The following FHL2 variants were observed in gnomAD, a reference collection of about 807,000 sequenced individuals.
FHL2 encodes the protein four and a half LIM domains protein 2.
In FHL2, 20 loss-of-function variants were observed where a neutral mutation model predicts 32.7. That is an observed-to-expected ratio of 0.61 (90% confidence interval 0.43 to 0.89). FHL2 has a LOEUF of 0.89. Ranked by LOEUF, FHL2 falls within the 40% of genes least tolerant of loss-of-function variation. The probability of loss-of-function intolerance (pLI) is 0.00; values close to 1 mark genes in which losing one functional copy is unlikely to be tolerated. For missense variants in FHL2, 311 were observed against 358.6 expected, an observed-to-expected ratio of 0.87 and a Z score of 1.07; for synonymous variants, 123 against 128.1, an observed-to-expected ratio of 0.96 and a Z score of 0.27.
intron 3 of FHL2, among the ~76,000 whole-genome samples, chr2:105,383,945 A>G (rs1313657376): frequency 1.3e-5 from 2 of 152,236 alleles, no homozygotes; most frequent in Non-Finnish European, 1.5e-5. Flanking sequence ...AAAGTTCAGC[A>G]CAATTCACTC....
intron 1 of FHL2, among the ~76,000 whole-genome samples, chr2:105,407,391 C>CAA (rs35638962): frequency 2.7e-4 from 21 of 78,460 alleles, no homozygotes; most frequent in Admixed American, 7.0e-4. Context: ...GACTCTGTCT[C>CAA]AAAAAAAAAA....
At chr2:105,378,463 A>G (rs148654625) in intron 3 of FHL2, 168 of 278,470 alleles carry the variant, frequency 6.0e-4, no homozygotes, top group African/African-American at 3.6e-3. Context: ...CTCCTGCCAG[A>G]TGCTGCCCTT....
intron 1 of FHL2, among the ~76,000 whole-genome samples, chr2:105,427,820 A>G (rs1355609767): frequency 2.0e-5 from 3 of 152,132 alleles, no homozygotes; most frequent in African/African-American, 7.2e-5. Context: ...CCCCTCTGAC[A>G]GGGCCCCGAG....
At chr2:105,408,980 C>T (rs1683714686) in intron 1 of FHL2, among the ~76,000 whole-genome samples, 1 of 152,104 alleles carries the variant, frequency 6.6e-6, no homozygotes, top group Admixed American at 6.5e-5. Context: ...GCCAAGGCAG[C>T]ACCAGGTCAT....
intron 3 of FHL2, among the ~76,000 whole-genome samples, chr2:105,382,417 G>A (rs530723582): frequency 6.6e-5 from 10 of 152,314 alleles, no homozygotes; most frequent in East Asian, 1.9e-4. Context: ...AGGACCCTCC[G>A]GGTCTGGGCT....
chr2:105,393,960 G>A (rs915118782), intron 2 of FHL2, among the ~76,000 whole-genome samples: 3 of 152,172 alleles, frequency 2.0e-5, no homozygotes, highest in African/African-American at 7.2e-5. Flanking sequence ...GCTGGGAGTC[G>A]TGCCCACTTT....
At chr2:105,371,584 A>C (rs1293830243) in intron 4 of FHL2, among the ~76,000 whole-genome samples, 1 of 128,228 alleles carries the variant, frequency 7.8e-6, no homozygotes, top group African/African-American at 2.7e-5. Flanking sequence ...CTCCTTATGT[A>C]TGTATCTATG....
chr2:105,366,923 T>C (rs536303239), intron 5 of FHL2, among the ~76,000 whole-genome samples: 30 of 152,154 alleles, frequency 2.0e-4, no homozygotes, highest in African/African-American at 7.2e-4. Context: ...GTTGTGTATT[T>C]TTAGTAGAGA....
chr2:105,407,443 G>C (rs950978943), intron 1 of FHL2, among the ~76,000 whole-genome samples: 5 of 150,030 alleles, frequency 3.3e-5, no homozygotes, highest in Middle Eastern at 3.5e-3. Flanking sequence ...GCCAACATAA[G>C]GCTGCTATAT....
intron 5 of FHL2, among the ~76,000 whole-genome samples, chr2:105,364,043 G>A (rs1329436920): frequency 1.3e-5 from 2 of 152,152 alleles, no homozygotes; most frequent in Admixed American, 6.5e-5. Context: ...GATCACTTGA[G>A]GTCAGGAGTT....
At chr2:105,438,017 A>G (rs888045432) in intron 1 of FHL2, among the ~76,000 whole-genome samples, 2 of 152,202 alleles carry the variant, frequency 1.3e-5, no homozygotes, top group Non-Finnish European at 2.9e-5. Flanking sequence ...TGTTTATTTT[A>G]TAACATTTCT....
At chr2:105,358,419 A>G (rs1207773026), downstream of FHL2, 2 of 152,250 alleles carry the variant, frequency 1.3e-5, no homozygotes, top group Non-Finnish European at 2.9e-5. Context: ...GGTAGGGGCA[A>G]TTGGAGCTCT....
intron 2 of FHL2, among the ~76,000 whole-genome samples, chr2:105,392,243 C>G (rs1456818035): frequency 6.6e-6 from 1 of 152,174 alleles, no homozygotes; most frequent in Non-Finnish European, 1.5e-5. Context: ...GAGACCGAGG[C>G]AGACATATCG....
chr2:105,390,101 G>A (rs1055932676), intron 2 of FHL2: 6 of 152,752 alleles, frequency 3.9e-5, no homozygotes, highest in South Asian at 2.1e-4. Context: ...GTGTGGTGGC[G>A]GGCACCTGTA....
chr2:105,367,890 T>C (rs1009440109), intron 4 of FHL2, 151 bp from the exon 5 acceptor site: 9 of 702,636 alleles, frequency 1.3e-5, no homozygotes, highest in Non-Finnish European at 1.8e-5. Context: ...TGGAGGTAAT[T>C]CCTATTTTGT....
chr2:105,386,183 A>G (rs1163642059), intron 3 of FHL2, 178 bp downstream of exon 3: 1 of 599,586 alleles, frequency 1.7e-6, no homozygotes, highest in East Asian at 2.9e-5. Context: ...GCTTGTGGGC[A>G]GAGATCACAT....
intron 1 of FHL2, among the ~76,000 whole-genome samples, chr2:105,411,411 T>C (rs768447216): frequency 6.6e-6 from 1 of 152,156 alleles, no homozygotes; most frequent in Non-Finnish European, 1.5e-5. Context: ...TTTTTTCTCA[T>C]TCTTTTTCAA....
intron 6 of FHL2, 27 bp from the exon 7 acceptor site, chr2:105,361,461 G>C (rs761212075): frequency 8.8e-6 from 14 of 1,599,238 alleles, no homozygotes; most frequent in Non-Finnish European, 8.5e-7. Flanking sequence ...AATAATACCG[G>C]ATGAAGAAAG....
Position 105,373,691 on chromosome 2 carries a change from G to A in FHL2, c.199C>T (p.His67Tyr). 3.1e-6 allele frequency: 5 copies of A among 1,614,186 alleles called. No homozygotes were observed. The highest frequency in any genetic ancestry group is 4.2e-6 in the Non-Finnish European group (5 of 1,180,042). ...AGTGAGTTTCTGCACTGCGAGCAGT[G>A]GAAACAGGCTTCATGCCAGTGCCGG... The part of the protein sequence containing the change: ...KDRHWHEACF[H>Y]CSQCRNSLVD... The change falls in exon 4 of 7, where the codon CAC becomes TAC. Residue 67 changes from histidine to tyrosine, a missense_variant. By Grantham distance (83) the His-to-Tyr change is moderately conservative (BLOSUM62 2). Coordinates refer to ENST00000530340, the MANE Select transcript of FHL2 (RefSeq NM_001318895.3).
Sources: gnomAD v4.1 joint callset for allele counts (sites outside exome capture counted in the v4.1 genomes callset) on GRCh38, gnomAD v4.1.1 for gene constraint, MANE v1.5 for transcripts, NCBI Gene and HGNC (gene_info 2026-07-23, HGNC 2026-07-21) for gene names.